Variants in DPYD observed in about 807,000 individuals in gnomAD.
The protein encoded by DPYD is dihydropyrimidine dehydrogenase [NADP(+)].
A neutral mutation model predicts 116.2 loss-of-function variants in DPYD; 109 were observed. That is an observed-to-expected ratio of 0.94 (90% CI 0.80 to 1.10). DPYD has a LOEUF of 1.10. Among genes scored for constraint, DPYD ranks in the 50% least tolerant of loss-of-function variants. The pLI is 0.00. For missense variants in DPYD, 1,302 were observed against 1,254.5 expected (o/e 1.04, Z -0.57); for synonymous variants, 440 against 432.0 (o/e 1.02, Z -0.23).
chr1:97,533,389 C>T (rs543564652), intron 12 of DPYD, among the ~76,000 whole-genome samples: 2 of 152,098 alleles, frequency 1.3e-5, no homozygotes, highest in Non-Finnish European at 2.9e-5. Flanking sequence ...TTAAGTTAGA[C>T]AGAGATCCCC....
intron 5 of DPYD, among the ~76,000 whole-genome samples, chr1:97,703,409 T>C (rs961872536): frequency 3.9e-5 from 6 of 151,966 alleles, no homozygotes; most frequent in Non-Finnish European, 8.8e-5. Flanking sequence ...TAATAAAATA[T>C]ATTTCATAGA....
intron 13 of DPYD, among the ~76,000 whole-genome samples, chr1:97,491,818 G>GT (rs1678991921): frequency 6.6e-6 from 1 of 152,004 alleles, no homozygotes; most frequent in African/African-American, 2.4e-5. Context: ...TGATCTTACG[G>GT]TTTTGCACCA....
intron 20 of DPYD, among the ~76,000 whole-genome samples, chr1:97,117,356 C>A (rs973027686): frequency 6.6e-6 from 1 of 152,220 alleles, no homozygotes; most frequent in African/African-American, 2.4e-5. Context: ...CCTGAACAAT[C>A]TTCACTAGAA....
In DPYD at chr1:97,352,728, C is replaced by T. The variant is rs547517248; in HGVS notation, c.2058+20833G>A. 2.0e-5 allele frequency among the ~76,000 whole-genome samples: 3 copies of T among 152,118 alleles called. No individual in the cohort carries two copies. In the South Asian group the frequency reaches 6.2e-4, roughly 32 times the overall value. ...TGTTTTTTATTGCCATCAGCATTGGCACTCCTCCGGACACGTGTTTGGGGT... is the reference window on the plus strand; with the variant it reads ...TGTTTTTTATTGCCATCAGCATTGGTACTCCTCCGGACACGTGTTTGGGGT... On this transcript the variant is annotated intron_variant, in intron 16 of 22. Coordinates refer to ENST00000370192, the MANE Select transcript of DPYD (RefSeq NM_000110.4).
rs570560682 is a variant in DPYD at position 97,885,929 on chromosome 1, A to G, written c.40-2555T>C. ...AAAATTAATTTCAAACCCTGTCTTG[A>G]GCAAGCCAGTAAACATGACCATTAA... On this transcript the variant is annotated intron_variant, in intron 1 of 22. Coordinates refer to ENST00000370192, the MANE Select transcript of DPYD (RefSeq NM_000110.4). Among the ~76,000 whole-genome samples the G allele has an allele frequency of 1.1e-4, 16 of 143,404 alleles. No individual in the cohort carries two copies. The South Asian group carries it at 2.4e-3, about 21-fold the overall frequency. The allele number at this position is 143,404 out of a possible 152,430, so 94.1% of individuals were successfully genotyped here. A position where few individuals can be genotyped will look rare whatever the true frequency, so the allele number is the denominator to read the frequency against.
chr1:97,649,134 A>G (rs955884202), intron 8 of DPYD, among the ~76,000 whole-genome samples: 5 of 152,120 alleles, frequency 3.3e-5, no homozygotes, highest in African/African-American at 1.2e-4. Flanking sequence ...AAGAAGGTTT[A>G]TATTTTCCTA....
At chr1:97,719,542 A>T (rs1184818975) in intron 5 of DPYD, among the ~76,000 whole-genome samples, 1 of 151,914 alleles carries the variant, frequency 6.6e-6, no homozygotes, top group African/African-American at 2.4e-5. Context: ...TACTCATGTC[A>T]ATAGTAGTTT....
At chr1:97,546,652 A>C in intron 12 of DPYD, 1 of 1,612,770 alleles carries the variant, frequency 6.2e-7, no homozygotes. Context: ...CATTGCAGAT[A>C]GGAAGGAGCA....
chr1:97,693,667 C>A (rs766798653), intron 6 of DPYD, among the ~76,000 whole-genome samples: 1 of 152,090 alleles, frequency 6.6e-6, no homozygotes, highest in Non-Finnish European at 1.5e-5. Flanking sequence ...TGATGCAGAT[C>A]CTCAAAAGGT....
rs1673954460 is a variant in DPYD at position 97,911,863 on chromosome 1, G to A, written c.39+9021C>T. Among the ~76,000 whole-genome samples, 4 of 151,942 alleles carry A rather than the reference G, an allele frequency of 2.6e-5. No homozygotes were observed. The South Asian group carries it at 8.3e-4, about 31-fold the overall frequency. On this transcript the variant is annotated intron_variant, in intron 1 of 22. Coordinates refer to ENST00000370192, the MANE Select transcript of DPYD (RefSeq NM_000110.4). ...CGACAATAATCTGAGGTTTATGAAT[G>A]TTCCATCCAAGATAACAACCTGAGG...
At chr1:97,357,419 T>C (rs112749677) in intron 16 of DPYD, among the ~76,000 whole-genome samples, 4,998 of 152,248 alleles carry the variant, frequency 0.033, 124 homozygotes, top group Non-Finnish European at 0.051. Flanking sequence ...AAGATCATGT[T>C]AGTAAACAGC....
intron 14 of DPYD, among the ~76,000 whole-genome samples, chr1:97,391,218 G>C (rs972078466): frequency 1.3e-5 from 2 of 151,742 alleles, no homozygotes; most frequent in African/African-American, 2.4e-5. Flanking sequence ...AGAAAATCTC[G>C]AAAGTGTATA....
intron 11 of DPYD, among the ~76,000 whole-genome samples, chr1:97,562,859 A>G (rs929912086): frequency 6.6e-6 from 1 of 151,834 alleles, no homozygotes; most frequent in Non-Finnish European, 1.5e-5. Context: ...AGCTGGGATT[A>G]CAGGTGTGCG....
chr1:97,869,676 C>A (rs189197849), intron 2 of DPYD, among the ~76,000 whole-genome samples: 1 of 151,786 alleles, frequency 6.6e-6, no homozygotes, highest in African/African-American at 2.4e-5. Flanking sequence ...CACAAACAAA[C>A]CTTGCTAAAA....
intron 8 of DPYD, among the ~76,000 whole-genome samples, chr1:97,648,023 C>A (rs1408023638): frequency 6.6e-6 from 1 of 151,914 alleles, no homozygotes; most frequent in Non-Finnish European, 1.5e-5. Flanking sequence ...TACAGCCTTA[C>A]AGAAACACAG....
chr1:97,295,181 G>A (rs1410199397), intron 18 of DPYD, among the ~76,000 whole-genome samples: 1 of 152,072 alleles, frequency 6.6e-6, no homozygotes, highest in Non-Finnish European at 1.5e-5. Context: ...TGGGCCCAAT[G>A]GTATCCACCT....
intron 21 of DPYD, among the ~76,000 whole-genome samples, chr1:97,096,856 A>G (rs112341588): frequency 0.14 from 21,640 of 152,066 alleles, 1,689 homozygotes; most frequent in Non-Finnish European, 0.17. Context: ...GCTCTTCGGA[A>G]TAAATCTTGC....
chr1:97,569,623 C>T lies in DPYD; in HGVS notation c.1339+4137G>A, dbSNP rs72732323. ...ACAACAAAATCCCAAGTTAATGTGA[C>T]GTGATATGGAGTCGTACATTCTTAG... On this transcript the variant is annotated intron_variant, in intron 11 of 22. Coordinates refer to ENST00000370192, the MANE Select transcript of DPYD (RefSeq NM_000110.4). Among the ~76,000 whole-genome samples, 699 of 151,702 alleles carry T rather than the reference C, an allele frequency of 4.6e-3. 10 individuals are homozygous for T. Among genetic ancestry groups the T allele is most frequent in the African/African-American group, 0.016 (651 of 41,420 alleles).
chr1:97,229,510 T>C, intron 19 of DPYD, among the ~76,000 whole-genome samples: 1 of 143,070 alleles, frequency 7.0e-6, no homozygotes, highest in Admixed American at 7.0e-5. Context: ...ACTAAAATTA[T>C]AAATTCAAAT....
Sources: allele counts gnomAD v4.1 joint callset (sites outside exome capture counted in the v4.1 genomes callset), GRCh38; gene constraint gnomAD v4.1.1; transcripts MANE v1.5; gene names NCBI Gene and HGNC (gene_info 2026-07-23, HGNC 2026-07-21).